Variants in ENPP6 observed in about 807,000 individuals in gnomAD.
ENPP6 encodes the protein ectonucleotide pyrophosphatase/phosphodiesterase 6.
In ENPP6, 32 loss-of-function variants were observed where a neutral mutation model predicts 42.0. That is an observed-to-expected ratio of 0.76 (90% confidence interval 0.58 to 1.02). The LOEUF (loss-of-function observed/expected upper bound fraction) is 1.02. Among genes scored for constraint, ENPP6 ranks in the 50% least tolerant of loss-of-function variants. The pLI is 0.00. For synonymous variants in ENPP6, 213 were observed against 216.0 expected (o/e 0.99, Z 0.12); for missense variants, 552 against 566.8 (o/e 0.97, Z 0.27).
intron 1 of ENPP6, among the ~76,000 whole-genome samples, chr4:184,173,462 A>C (rs1228270762): frequency 6.6e-6 from 1 of 152,206 alleles, no homozygotes; most frequent in Non-Finnish European, 1.5e-5. Flanking sequence ...CTTGAGGCAG[A>C]AGGTTGAATT....
chr4:184,126,986 C>A (rs922663655), intron 2 of ENPP6, among the ~76,000 whole-genome samples: 4 of 151,986 alleles, frequency 2.6e-5, no homozygotes, highest in Non-Finnish European at 4.4e-5. Flanking sequence ...GTAAAACGTG[C>A]CCCATAATTA....
intron 1 of ENPP6, among the ~76,000 whole-genome samples, chr4:184,176,785 A>G (rs1023989204): frequency 6.6e-6 from 1 of 152,262 alleles, no homozygotes; most frequent in Non-Finnish European, 1.5e-5. Context: ...GAGAACTATC[A>G]GCAAGTCATC....
chr4:184,112,706 G>C lies in ENPP6; in HGVS notation c.959C>G (p.Thr320Ser). ...GAACCAGCCTTCATCAGCCACTAAA[G>C]TCAAAGGAGAGACAAACTTTCCTTT... ...YKKGKFVSPL[T>S]LVADEGWFIT... Residue 320 changes from threonine (T) to serine (S), a missense_variant, in exon 6 of 8, where the codon ACT (threonine) becomes AGT (serine). By Grantham distance (58) the Thr-to-Ser change is moderately conservative. Coordinates refer to ENST00000296741, the MANE Select transcript of ENPP6 (RefSeq NM_153343.4). 6.2e-7 allele frequency: 1 copy of C among 1,614,132 alleles called. No individual in the cohort carries two copies. Among genetic ancestry groups the C allele is most frequent in the African/African-American group, 1.3e-5 (1 of 75,044 alleles).
intron 4 of ENPP6, 71 bp from the exon 5 acceptor site, chr4:184,117,106 C>T: frequency 6.4e-7 from 1 of 1,558,696 alleles, no homozygotes; most frequent in Non-Finnish European, 8.8e-7. Flanking sequence ...ACCTTGTCAA[C>T]TACAAATGAT....
chr4:184,194,571 C>CT (rs1579659428), intron 1 of ENPP6, among the ~76,000 whole-genome samples: 1 of 152,314 alleles, frequency 6.6e-6, no homozygotes, highest in East Asian at 1.9e-4. Flanking sequence ...AAACCAAGCA[C>CT]AGGGTCCTAA....
intron 1 of ENPP6, among the ~76,000 whole-genome samples, chr4:184,211,055 A>G (rs1441290053): frequency 6.0e-5 from 9 of 151,054 alleles, no homozygotes; most frequent in African/African-American, 2.2e-4. Context: ...CAAAGACACA[A>G]CATACCAGAA....
In ENPP6 at chr4:184,189,844, T is replaced by C. The variant is rs139426883; in HGVS notation, c.241+27735A>G. ...TCCTCCCATGAATATCTCCAAGAGA[T>C]GGAGAGGAGCGAGCCAGCCAGAGCC... On this transcript the variant is annotated intron_variant, in intron 1 of 7. Coordinates refer to ENST00000296741, the MANE Select transcript of ENPP6 (RefSeq NM_153343.4). 6.5e-3 allele frequency among the ~76,000 whole-genome samples: 983 copies of C among 152,102 alleles called. 11 individuals are homozygous for C. Among genetic ancestry groups the C allele is most frequent in the African/African-American group, 0.022 (925 of 41,474 alleles).
intron 1 of ENPP6, among the ~76,000 whole-genome samples, chr4:184,164,334 A>G (rs1737316078): frequency 6.6e-6 from 1 of 152,178 alleles, no homozygotes; most frequent in African/African-American, 2.4e-5. Context: ...GTTTCCCCAA[A>G]AACATGTGTT....
chr4:184,140,395 G>A (rs1241257518), intron 2 of ENPP6, among the ~76,000 whole-genome samples: 10 of 151,730 alleles, frequency 6.6e-5, no homozygotes, highest in African/African-American at 2.4e-4. Flanking sequence ...ACTACTTTAA[G>A]GTTCATATGG....
rs531830528 is a variant in ENPP6 at position 184,177,588 on chromosome 4, G to A, written c.242-23855C>T. Among the ~76,000 whole-genome samples, 12 of 152,298 alleles carry A rather than the reference G, an allele frequency of 7.9e-5. No homozygotes were observed. The East Asian group carries it at 2.1e-3, about 27-fold the overall frequency. On this transcript the variant is annotated intron_variant, in intron 1 of 7. Transcript: ENST00000296741. ...TGAGACCTCCCAACAGGGGTCACCAGACACCTTATACAGGAGCATTCCCAC... is the reference window on the plus strand; with the variant it reads ...TGAGACCTCCCAACAGGGGTCACCAAACACCTTATACAGGAGCATTCCCAC...
At position 184,104,022 on chromosome 4, in the gene ENPP6, C is replaced by CTTTTTT. The variant is rs374303995; in HGVS notation, c.994-6660_994-6655dup. Reference sequence around the variant, plus strand: ...TTTCTTTCTTCTTTTCTTTTCTTTTCTTTTTTTGAATCACGTTGATTGCAG... The same window carrying CTTTTTT: ...TTTCTTTCTTCTTTTCTTTTCTTTTCTTTTTTTTTTTTTGAATCACGTTGATTGCAG... On this transcript the variant is annotated intron_variant, in intron 6 of 7. Coordinates refer to ENST00000296741, the MANE Select transcript of ENPP6 (RefSeq NM_153343.4). 5.7e-3 allele frequency among the ~76,000 whole-genome samples: 850 copies of CTTTTTT among 150,034 alleles called. 7 individuals carry two copies. The highest frequency in any genetic ancestry group is 0.024 in the Middle Eastern group (7 of 292).
chr4:184,096,125 G>A (rs1387609489), intron 7 of ENPP6, among the ~76,000 whole-genome samples: 1 of 152,214 alleles, frequency 6.6e-6, no homozygotes, highest in Non-Finnish European at 1.5e-5. Flanking sequence ...GGACTAATGT[G>A]TTTCCTAAGC....
In ENPP6 at chr4:184,208,596, C is replaced by T. The variant is rs531067523; in HGVS notation, c.241+8983G>A. The stretch of plus-strand genomic sequence containing the variant: ...CCTGGCTGGGAGGGTCCTACGCCCA[C>T]GGAGTCTCGCTGATTGCTAGCACAG... On this transcript the variant is annotated intron_variant, in intron 1 of 7. Transcript: ENST00000296741. Among the ~76,000 whole-genome samples the T allele has an allele frequency of 9.7e-3, 1,471 of 151,214 alleles. 16 individuals carry two copies. Among genetic ancestry groups the T allele is most frequent in the African/African-American group, 0.028 (1,133 of 41,126 alleles).
At chr4:184,188,841 G>A (rs6552767) in intron 1 of ENPP6, among the ~76,000 whole-genome samples, 50,198 of 151,934 alleles carry the variant, frequency 0.33, 8,710 homozygotes, top group Middle Eastern at 0.41. Context: ...TTTATGTGAC[G>A]GAGGAGGTAC....
At chr4:184,159,077 T>C (rs73007848) in intron 1 of ENPP6, among the ~76,000 whole-genome samples, 6,939 of 152,338 alleles carry the variant, frequency 0.046, 174 homozygotes, top group South Asian at 0.063. Flanking sequence ...ACATGTTTTA[T>C]GTCATAGTTC....
At chr4:184,169,298 A>C (rs1289198873) in intron 1 of ENPP6, among the ~76,000 whole-genome samples, 1 of 151,200 alleles carries the variant, frequency 6.6e-6, no homozygotes, top group Non-Finnish European at 1.5e-5. Flanking sequence ...GGGCGGGAGG[A>C]TTCTTCATGC....
chr4:184,147,807 A>AG (rs1363902592), intron 2 of ENPP6, among the ~76,000 whole-genome samples: 1 of 151,280 alleles, frequency 6.6e-6, no homozygotes, highest in Non-Finnish European at 1.5e-5. Context: ...TTTCAAAAAA[A>AG]AAAAAAAAGT....
chr4:184,114,163 G>A (rs1456676789), intron 5 of ENPP6, among the ~76,000 whole-genome samples: 4 of 151,890 alleles, frequency 2.6e-5, no homozygotes, highest in African/African-American at 9.7e-5. Context: ...ACGGGTTTTC[G>A]CCATGTTGGC....
intron 1 of ENPP6, among the ~76,000 whole-genome samples, chr4:184,192,428 T>A (rs1277193117): frequency 1.3e-5 from 2 of 152,254 alleles, no homozygotes; most frequent in African/African-American, 4.8e-5. Flanking sequence ...TACCTCACAC[T>A]GTATATAAAC....
Sources: gnomAD v4.1 joint callset for allele counts (sites outside exome capture counted in the v4.1 genomes callset) on GRCh38, gnomAD v4.1.1 for gene constraint, MANE v1.5 for transcripts, NCBI Gene and HGNC (gene_info 2026-07-23, HGNC 2026-07-21) for gene names.